Variants in DNMT1 observed in about 807,000 individuals in gnomAD.
The protein encoded by DNMT1 is DNA methyltransferase 1, also known as DNA (cytosine-5)-methyltransferase 1.
Under a neutral mutation model 205.3 loss-of-function variants are expected in DNMT1, and 24 were observed. The ratio of observed to expected loss-of-function variants is 0.12; its 90% CI spans 0.08 to 0.16. DNMT1 has a LOEUF of 0.16. Among genes scored for constraint, DNMT1 ranks in the 10% least tolerant of loss-of-function variants. DNMT1 has a pLI of 1.00. For synonymous variants in DNMT1, 817 were observed against 839.8 expected (o/e 0.97, Z 0.47); for missense variants, 1,293 against 2,177.7 (o/e 0.59, Z 8.09).
At chr19:10,176,396 G>A (rs1261658141) in intron 6 of DNMT1, among the ~76,000 whole-genome samples, 2 of 152,124 alleles carry the variant, frequency 1.3e-5, no homozygotes, top group African/African-American at 4.8e-5. Flanking sequence ...AAAATAGGAG[G>A]GAAGGAATCT....
intron 1 of DNMT1, among the ~76,000 whole-genome samples, chr19:10,188,907 C>T (rs1248001658): frequency 6.6e-6 from 1 of 152,192 alleles, no homozygotes; most frequent in Non-Finnish European, 1.5e-5. Flanking sequence ...CTTACAACTA[C>T]CACCTTCTGC....
intron 24 of DNMT1, among the ~76,000 whole-genome samples, chr19:10,150,785 A>C (rs1056622423): frequency 1.3e-5 from 2 of 152,150 alleles, no homozygotes; most frequent in Non-Finnish European, 2.9e-5. Flanking sequence ...GGGCTGTGAC[A>C]GCTCTCTTGG....
At chr19:10,160,277 G>T (rs2038541506) in intron 14 of DNMT1, 107 bp downstream of exon 14, 20 of 1,565,214 alleles carry the variant, frequency 1.3e-5, no homozygotes, top group Non-Finnish European at 1.7e-5. Context: ...GATCCAAAAT[G>T]AGCCTAAGGT....
chr19:10,187,096 G>A (rs112268526), intron 1 of DNMT1, among the ~76,000 whole-genome samples: 6 of 151,918 alleles, frequency 3.9e-5, no homozygotes, highest in African/African-American at 1.2e-4. Flanking sequence ...AGGTGGCTGG[G>A]GACAGTCGGA....
intron 2 of DNMT1, 81 bp from the exon 3 acceptor site, chr19:10,180,966 C>T: frequency 8.9e-7 from 1 of 1,124,646 alleles, no homozygotes. Context: ...TATTGAGCTG[C>T]CTGATCACAT....
At chr19:10,177,441 A>G in intron 5 of DNMT1, 74 bp from the exon 6 acceptor site, 1 of 1,416,944 alleles carries the variant, frequency 7.1e-7, no homozygotes, top group African/African-American at 1.4e-5. Context: ...GCAATAATGC[A>G]GTTCAACATT....
In DNMT1 at chr19:10,149,027, T is replaced by C. The variant is rs766149069; in HGVS notation, c.2587-10A>G. 5.0e-6 allele frequency: 8 copies of C among 1,613,774 alleles called. No homozygotes were observed. The highest frequency in any genetic ancestry group is 1.1e-5 in the South Asian group (1 of 91,050). On this transcript the variant is annotated splice_polypyrimidine_tract_variant and intron_variant, in intron 26 of 40. Transcript: ENST00000359526. The stretch of plus-strand genomic sequence containing the variant: ...CGGGATCCATGCCTCCCTTGGGAGA[T>C]AAGAATGCGTGTCAGGCCAGGCGCA...
intron 1 of DNMT1, among the ~76,000 whole-genome samples, chr19:10,183,237 T>A (rs977415649): frequency 6.6e-6 from 1 of 151,558 alleles, no homozygotes; most frequent in South Asian, 2.1e-4. Context: ...TGGCTCAGCC[T>A]CCCGAGTAGC....
intron 11 of DNMT1, among the ~76,000 whole-genome samples, chr19:10,164,553 G>A (rs888569386): frequency 6.6e-6 from 1 of 152,056 alleles, no homozygotes; most frequent in South Asian, 2.1e-4. Flanking sequence ...ACTGCAGTGA[G>A]CTATGATAGC....
At chr19:10,173,300 A>C in intron 8 of DNMT1, 126 bp from the exon 9 acceptor site, 1 of 878,348 alleles carries the variant, frequency 1.1e-6, no homozygotes, top group Admixed American at 2.0e-5. Context: ...TGACAGACAC[A>C]TACTCATTTA....
At chr19:10,136,581 G>A (rs1375164854) in intron 37 of DNMT1, among the ~76,000 whole-genome samples, 2 of 151,898 alleles carry the variant, frequency 1.3e-5, no homozygotes, top group Non-Finnish European at 2.9e-5. Context: ...GATTATAGGC[G>A]TGCGACACCA....
chr19:10,166,543 G>A (rs141604451), intron 11 of DNMT1, 55 bp downstream of exon 11: 3 of 1,608,888 alleles, frequency 1.9e-6, no homozygotes, highest in Non-Finnish European at 2.6e-6. Context: ...TCCCGCCCAA[G>A]CAAACAGGAG....
intron 1 of DNMT1, among the ~76,000 whole-genome samples, chr19:10,188,246 A>T (rs866920903): frequency 6.6e-6 from 1 of 152,188 alleles, no homozygotes; most frequent in South Asian, 2.1e-4. Flanking sequence ...GCAGTAGGCA[A>T]AAGAGTAGAC....
chr19:10,158,805 C>G (rs760869960), intron 17 of DNMT1, among the ~76,000 whole-genome samples: 2 of 152,232 alleles, frequency 1.3e-5, no homozygotes, highest in Non-Finnish European at 2.9e-5. Context: ...ACAGCTGGCA[C>G]AGGCCCCTCC....
intron 8 of DNMT1, 44 bp from the exon 9 acceptor site, chr19:10,173,218 G>A: frequency 1.9e-6 from 3 of 1,602,966 alleles, no homozygotes; most frequent in Non-Finnish European, 2.6e-6. Context: ...AGTGCCAGGA[G>A]CTTCCCCAAA....
chr19:10,189,902 T>G (rs2039267015), intron 1 of DNMT1, among the ~76,000 whole-genome samples: 1 of 152,128 alleles, frequency 6.6e-6, no homozygotes, highest in Non-Finnish European at 1.5e-5. Context: ...ATATCTGTAC[T>G]GATAAGCTCA....
chr19:10,160,043 C>A lies in DNMT1; in HGVS notation c.1064G>T (p.Arg355Leu). Reference protein sequence around the residue: ...PKEPTEKKMARAKTVMNSKTH... With the variant: ...PKEPTEKKMALAKTVMNSKTH... ...CTTGGAGTTCATGACTGTTTTGGCG[C>A]GAGCCATTTTTTTCTCCGTTCTGGG... is the stretch of plus-strand genomic sequence containing the variant. Residue 355 changes from arginine (R) to leucine (L), a missense_variant, in exon 15 of 41, where the codon CGC becomes CTC. Physicochemically the swap from Arg to Leu is moderately radical, Grantham distance 102 (BLOSUM62 -2). Coordinates refer to ENST00000359526, the MANE Select transcript of DNMT1 (RefSeq NM_001130823.3). 1 of 1,605,512 alleles carries A rather than the reference C, an allele frequency of 6.2e-7. No individual in the cohort carries two copies. Among genetic ancestry groups the A allele is most frequent in the Non-Finnish European group, 8.5e-7 (1 of 1,178,748 alleles).
Position 10,151,594 on chromosome 19 carries a change from A to C in DNMT1, c.2118-49T>G. 1 of 1,612,176 alleles carries C rather than the reference A, an allele frequency of 6.2e-7. No homozygotes were observed. The highest frequency in any genetic ancestry group is 8.5e-7 in the Non-Finnish European group (1 of 1,180,002). On this transcript the variant is annotated intron_variant, in intron 23 of 40. Transcript: ENST00000359526. This position sits in a 1 kb window ranked among gnomAD's most constrained non-coding sequence, Gnocchi z 5.0. ...AAGGCCCCTTTTCTAAGTAAGACCA[A>C]CCGGGGCTGTTTTCTTCATAACAGG...
At position 10,154,274 on chromosome 19, in the gene DNMT1, C is replaced by A; in HGVS notation, c.2019+19G>T. On this transcript the variant is annotated intron_variant, in intron 22 of 40. Transcript: ENST00000359526. This position sits in a 1 kb window ranked among gnomAD's most constrained non-coding sequence, Gnocchi z 6.3. ...CTGGGCCACCTTAGGGGAGCGGGAG[C>A]ACCCACAGGTGAGGTTACCTCACAG... is the stretch of plus-strand genomic sequence containing the variant. 1 of 1,613,594 alleles carries A rather than the reference C, an allele frequency of 6.2e-7. No homozygotes were observed. The highest frequency in any genetic ancestry group is 1.3e-5 in the African/African-American group (1 of 75,052).
Sources: allele counts gnomAD v4.1 joint callset (sites outside exome capture counted in the v4.1 genomes callset), GRCh38; gene constraint gnomAD v4.1.1; non-coding constraint Gnocchi (gnomAD v3.1); transcripts MANE v1.5; gene names NCBI Gene and HGNC (gene_info 2026-07-23, HGNC 2026-07-21).